MTAP: variants seen among roughly 807,000 people sequenced by gnomAD.
MTAP encodes the protein methylthioadenosine phosphorylase, also known as S-methyl-5'-thioadenosine phosphorylase.
Under a neutral mutation model 33.6 loss-of-function variants are expected in MTAP, and 33 were observed. That is an observed-to-expected ratio of 0.98 (90% CI 0.74 to 1.31). The LOEUF (loss-of-function observed/expected upper bound fraction) is 1.31. Ranked by LOEUF, MTAP falls within the 40% of genes most tolerant of loss-of-function variation. The pLI, the probability that MTAP is intolerant of heterozygous loss-of-function variation, is 0.00. For synonymous variants in MTAP, 148 were observed against 125.7 expected, an observed-to-expected ratio of 1.18 and a Z score of -1.19; for missense variants, 367 against 360.0, an observed-to-expected ratio of 1.02 and a Z score of -0.16.
intron 1 of MTAP, among the ~76,000 whole-genome samples, chr9:21,875,027 A>G (rs967769373): frequency 6.6e-5 from 10 of 152,130 alleles, no homozygotes; most frequent in South Asian, 2.1e-4. Flanking sequence ...TTATGGCTGC[A>G]TGGTATTCCA....
chr9:21,913,314 C>T (rs1416619302), intron 1 of MTAP, among the ~76,000 whole-genome samples: 3 of 152,120 alleles, frequency 2.0e-5, no homozygotes, highest in Non-Finnish European at 4.4e-5. Context: ...AGAGCCTGCA[C>T]CGCCAAGTCA....
chr9:21,802,845 G>A (rs1040126776), intron 1 of MTAP, 64 bp downstream of exon 1: 4 of 1,598,530 alleles, frequency 2.5e-6, no homozygotes, highest in Non-Finnish European at 3.4e-6. Flanking sequence ...CCCCGCGCCG[G>A]GGGACCGCGC....
chr9:21,810,402 G>A (rs1824316030), intron 1 of MTAP, among the ~76,000 whole-genome samples: 4 of 150,114 alleles, frequency 2.7e-5, no homozygotes, highest in African/African-American at 2.5e-5. Context: ...ATGAAAGGGA[G>A]ACGAGGGAGA....
downstream of MTAP, among the ~76,000 whole-genome samples, chr9:21,871,738 A>G (rs201730960): frequency 6.6e-6 from 1 of 152,010 alleles, no homozygotes; most frequent in East Asian, 1.9e-4. Flanking sequence ...CACAGCAAAT[A>G]TTTCCTGTTT....
intron 5 of MTAP, among the ~76,000 whole-genome samples, chr9:21,851,056 A>G (rs919332539): frequency 6.6e-6 from 1 of 152,220 alleles, no homozygotes; most frequent in African/African-American, 2.4e-5. Flanking sequence ...CATGGAATAC[A>G]GGAGATCCAT....
At chr9:21,860,321 A>T (rs957447001) in intron 7 of MTAP, 3 of 152,212 alleles carry the variant, frequency 2.0e-5, no homozygotes, top group Non-Finnish European at 2.9e-5. Context: ...TCACACTACT[A>T]ATGTGAAGCC....
At chr9:21,809,380 C>G (rs1462247444) in intron 1 of MTAP, among the ~76,000 whole-genome samples, 2 of 152,134 alleles carry the variant, frequency 1.3e-5, no homozygotes, top group Non-Finnish European at 2.9e-5. Context: ...TGGCTCATGC[C>G]TGTAATCCCA....
At position 21,864,091 on chromosome 9, in the gene MTAP, G is replaced by T; in HGVS notation, c.*2077G>T. 1 of 985,374 alleles carries T rather than the reference G, an allele frequency of 1.0e-6. No individual in the cohort carries two copies. The highest frequency in any genetic ancestry group is 1.2e-6 in the Non-Finnish European group (1 of 829,920). The allele number at this position is 985,374 out of a possible 1,614,324, so 61.0% of individuals were successfully genotyped here. A position where few individuals can be genotyped will look rare whatever the true frequency, so the allele number is the denominator to read the frequency against. ...TCTTAATAGGTGTCTAAGAATGTCA[G>T]GGCAAAAGTATGGGCATTTTTCTTG... On this transcript the variant is annotated 3_prime_UTR_variant, in exon 8 of 8. Coordinates refer to ENST00000644715, the MANE Select transcript of MTAP (RefSeq NM_002451.4).
intron 1 of MTAP, among the ~76,000 whole-genome samples, chr9:21,880,519 A>G (rs920921249): frequency 6.6e-6 from 1 of 152,114 alleles, no homozygotes; most frequent in Non-Finnish European, 1.5e-5. Flanking sequence ...AGATTCCACT[A>G]AACGACAACT....
At chr9:21,843,615 C>T (rs1419632634) in intron 5 of MTAP, among the ~76,000 whole-genome samples, 1 of 152,102 alleles carries the variant, frequency 6.6e-6, no homozygotes, top group African/African-American at 2.4e-5. Context: ...TATACAAATA[C>T]TTGGAAATGA....
At chr9:21,936,081 T>C (rs1170003970), downstream of MTAP, 1 of 152,242 alleles carries the variant, frequency 6.6e-6, no homozygotes, top group Non-Finnish European at 1.5e-5. Context: ...ATATGTTTTC[T>C]ACTTCTTGTG....
In MTAP at chr9:21,863,881, C is replaced by T. The variant is rs1451995519; in HGVS notation, c.*1867C>T. On this transcript the variant is annotated 3_prime_UTR_variant, in exon 8 of 8. Coordinates refer to ENST00000644715, the MANE Select transcript of MTAP (RefSeq NM_002451.4). ...TATTAATATGACTCATTAGTGTGAG[C>T]CATTTGGGTCAAGTATGATTATGAC... 3 of 985,580 alleles carry T rather than the reference C, an allele frequency of 3.0e-6. No individual in the cohort carries two copies. The highest frequency in any genetic ancestry group is 2.3e-4 in the East Asian group (2 of 8,812). The allele number at this position is 985,580 out of a possible 1,614,324, so 61.1% of individuals were successfully genotyped here. A position where few individuals can be genotyped will look rare whatever the true frequency, so the allele number is the denominator to read the frequency against.
intron 1 of MTAP, among the ~76,000 whole-genome samples, chr9:21,880,668 A>T (rs547201499): frequency 6.6e-6 from 1 of 152,272 alleles, no homozygotes; most frequent in East Asian, 1.9e-4. Flanking sequence ...ATAAAAAGGA[A>T]TACAATACTT....
At chr9:21,813,827 A>G (rs573154765) in intron 1 of MTAP, 1 of 152,366 alleles carries the variant, frequency 6.6e-6, no homozygotes, top group East Asian at 1.9e-4. Context: ...TCAGAGGTCC[A>G]CGGAATGAAG....
At chr9:21,919,095 T>G (rs1818742970) in intron 1 of MTAP, among the ~76,000 whole-genome samples, 1 of 152,228 alleles carries the variant, frequency 6.6e-6, no homozygotes, top group Non-Finnish European at 1.5e-5. Flanking sequence ...TTATTGTGAC[T>G]AGGATGAACA....
chr9:21,826,600 G>A (rs7044262), intron 4 of MTAP, among the ~76,000 whole-genome samples: 1,955 of 127,220 alleles, frequency 0.015, 32 homozygotes, highest in African/African-American at 0.055. Flanking sequence ...CAGAGGTGCT[G>A]GGGTTTTGTT....
chr9:21,821,843 C>G (rs1044268810), intron 4 of MTAP, among the ~76,000 whole-genome samples: 1 of 152,166 alleles, frequency 6.6e-6, no homozygotes, highest in African/African-American at 2.4e-5. Flanking sequence ...CAATTTCTTC[C>G]TGGTTTAGTC....
At chr9:21,938,777 C>G (rs904865934), downstream of MTAP, among the ~76,000 whole-genome samples, 16 of 152,094 alleles carry the variant, frequency 1.1e-4, no homozygotes, top group Admixed American at 5.2e-4. Flanking sequence ...GAAAGTTATT[C>G]CAAATGCTTT....
intron 1 of MTAP, among the ~76,000 whole-genome samples, chr9:21,811,163 C>A (rs1430870494): frequency 1.3e-5 from 2 of 152,212 alleles, no homozygotes; most frequent in African/African-American, 4.8e-5. Context: ...CTAGTCTCAA[C>A]CGCTTGGGGT....
Sources: allele counts gnomAD v4.1 joint callset (sites outside exome capture counted in the v4.1 genomes callset), GRCh38; gene constraint gnomAD v4.1.1; transcripts MANE v1.5; gene names NCBI Gene and HGNC (gene_info 2026-07-23, HGNC 2026-07-21).